Variants in KIF20B observed in about 807,000 individuals in gnomAD.
The protein encoded by KIF20B is kinesin family member 20B.
A neutral mutation model predicts 232.5 loss-of-function variants in KIF20B; 188 were observed. The observed-to-expected ratio is 0.81, with a 90% CI of 0.72 to 0.91. The LOEUF (loss-of-function observed/expected upper bound fraction) is 0.91. Ranked by LOEUF, KIF20B falls within the 40% of genes least tolerant of loss-of-function variation. KIF20B has a pLI of 0.00. For synonymous variants in KIF20B, 712 were observed against 683.0 expected, an observed-to-expected ratio of 1.04 and a Z score of -0.66; for missense variants, 2,154 against 2,055.9, an observed-to-expected ratio of 1.05 and a Z score of -0.92.
intron 27 of KIF20B, among the ~76,000 whole-genome samples, chr10:89,759,712 C>T (rs1237835518): frequency 1.3e-5 from 2 of 152,006 alleles, no homozygotes; most frequent in Non-Finnish European, 2.9e-5. Context: ...GTTTTCCTAA[C>T]AGAGTTGTGA....
chr10:89,743,369 A>G (rs1039358049), intron 21 of KIF20B, among the ~76,000 whole-genome samples: 3 of 152,052 alleles, frequency 2.0e-5, no homozygotes, highest in East Asian at 3.8e-4. Context: ...TGATTGTTCC[A>G]TTTTCTTCCC....
At chr10:89,738,899 T>A (rs1436658407) in intron 20 of KIF20B, 59 bp from the exon 21 acceptor site, 1 of 1,503,488 alleles carries the variant, frequency 6.7e-7, no homozygotes, top group Non-Finnish European at 9.0e-7. Context: ...CCATTTCACA[T>A]GTATGGTCCT....
At chr10:89,763,381 A>C (rs901091584) in intron 29 of KIF20B, among the ~76,000 whole-genome samples, 1 of 152,202 alleles carries the variant, frequency 6.6e-6, no homozygotes, top group Non-Finnish European at 1.5e-5. Context: ...TAATACATCA[A>C]ATGATGGTGG....
chr10:89,731,567 T>A (rs1843320022), intron 18 of KIF20B, among the ~76,000 whole-genome samples: 1 of 152,224 alleles, frequency 6.6e-6, no homozygotes, highest in South Asian at 2.1e-4. Flanking sequence ...AATTCTTTGC[T>A]TTTTCTACCC....
At chr10:89,745,858 T>A (rs1841898211) in intron 22 of KIF20B, 41 bp from the exon 23 acceptor site, 1 of 1,340,554 alleles carries the variant, frequency 7.5e-7, no homozygotes. Flanking sequence ...ATTGTGTTTT[T>A]AAGTTAATTT....
intron 6 of KIF20B, among the ~76,000 whole-genome samples, chr10:89,711,610 A>G (rs141408131): frequency 1.7e-3 from 266 of 152,132 alleles, no homozygotes; most frequent in African/African-American, 5.8e-3. Flanking sequence ...TTCTATCTGT[A>G]TATACACAAA....
chr10:89,773,543 T>C (rs1371511919), intron 32 of KIF20B, among the ~76,000 whole-genome samples: 1 of 152,042 alleles, frequency 6.6e-6, no homozygotes, highest in Non-Finnish European at 1.5e-5. Flanking sequence ...TCAGTCATTT[T>C]TGAGCATCTG....
At chr10:89,741,592 A>G (rs1841796213) in intron 21 of KIF20B, among the ~76,000 whole-genome samples, 2 of 152,236 alleles carry the variant, frequency 1.3e-5, no homozygotes, top group Admixed American at 1.3e-4. Context: ...TATCGGGTAT[A>G]GACACTGTTT....
intron 18 of KIF20B, among the ~76,000 whole-genome samples, chr10:89,732,052 G>A (rs1843333350): frequency 1.3e-5 from 2 of 152,056 alleles, no homozygotes; most frequent in South Asian, 4.1e-4. Flanking sequence ...GCGCTTAAAT[G>A]CTGAGTTTTA....
intron 28 of KIF20B, 36 bp from the exon 29 acceptor site, chr10:89,762,602 T>C (rs758027354): frequency 3.1e-5 from 46 of 1,488,886 alleles, no homozygotes; most frequent in Non-Finnish European, 3.8e-5. Flanking sequence ...ATGTATACTC[T>C]ACAAATAATA....
intron 1 of KIF20B, among the ~76,000 whole-genome samples, chr10:89,702,972 C>T (rs911152652): frequency 6.6e-6 from 1 of 152,084 alleles, no homozygotes; most frequent in Non-Finnish European, 1.5e-5. Flanking sequence ...AGTCTGAACA[C>T]TTTTAGAAAT....
chr10:89,718,998 C>A, intron 12 of KIF20B, 126 bp downstream of exon 12: 1 of 620,380 alleles, frequency 1.6e-6, no homozygotes, highest in Non-Finnish European at 2.5e-6. Context: ...AATATTTAAC[C>A]AAGTAGGAAG....
At position 89,745,977 on chromosome 10, in the gene KIF20B, A is replaced by T. The variant is rs775819709; in HGVS notation, c.4096+18A>T. The stretch of plus-strand genomic sequence containing the variant: ...ATGCAAAGGTCAGGAACAAGTTTGT[A>T]CTTCTGGAACCAGAAAAGTTCTCTT... On this transcript the variant is annotated intron_variant, in intron 23 of 32. Coordinates refer to ENST00000371728, the MANE Select transcript of KIF20B (RefSeq NM_001284259.2). 4.6e-5 allele frequency: 73 copies of T among 1,592,760 alleles called. No homozygotes were observed. Among genetic ancestry groups the T allele is most frequent in the Middle Eastern group, 3.3e-4 (2 of 6,042 alleles).
intron 19 of KIF20B, 59 bp downstream of exon 19, chr10:89,733,115 T>TAGAA (rs1843364912): frequency 2.5e-6 from 4 of 1,571,964 alleles, no homozygotes; most frequent in Middle Eastern, 3.3e-4. Context: ...AACCAGTAAA[T>TAGAA]AGAACAAGGC....
In KIF20B at chr10:89,716,705, G is replaced by A. The variant is rs146146580; in HGVS notation, c.1052+158G>A. On this transcript the variant is annotated intron_variant, in intron 9 of 32. Coordinates refer to ENST00000371728, the MANE Select transcript of KIF20B (RefSeq NM_001284259.2). The stretch of plus-strand genomic sequence containing the variant: ...TGGTATACAGAATAACACTAAACAC[G>A]TTTATCAATACTGTTTCCTGTCCTG... 9.9e-5 allele frequency among the ~76,000 whole-genome samples: 15 copies of A among 152,234 alleles called. No homozygotes were observed. The East Asian group carries it at 1.5e-3, about 16-fold the overall frequency.
chr10:89,720,696 GTATT>G (rs199703297), intron 13 of KIF20B, among the ~76,000 whole-genome samples: 17 of 151,638 alleles, frequency 1.1e-4, no homozygotes, highest in Admixed American at 8.5e-4. Flanking sequence ...TCCAATTATA[GTATT>G]TATTTATTTA....
intron 12 of KIF20B, 74 bp downstream of exon 12, chr10:89,718,946 T>G: frequency 1.1e-6 from 1 of 916,132 alleles, no homozygotes; most frequent in Non-Finnish European, 1.6e-6. Flanking sequence ...ATTTTTTACT[T>G]AATACTGTAA....
In KIF20B at chr10:89,743,812, C is replaced by G. The variant is rs1439908192; in HGVS notation, c.3920C>G (p.Ser1307Cys). ...TTTATAAACATTATTTTGTAGGTATCTGTAATGCGTGATGAGGATAAATTA... is the reference window on the plus strand; with the variant it reads ...TTTATAAACATTATTTTGTAGGTATGTGTAATGCGTGATGAGGATAAATTA... Reference protein sequence around the residue: ...KQIKQVQKEVSVMRDEDKLLR... With the variant: ...KQIKQVQKEVCVMRDEDKLLR... The change falls in exon 22 of 33, where the codon TCT becomes TGT. Residue 1307 changes from serine to cysteine, a missense_variant. Transcript: ENST00000371728. 2 of 1,454,258 alleles carry G rather than the reference C, an allele frequency of 1.4e-6. No individual in the cohort carries two copies. The highest frequency in any genetic ancestry group is 1.9e-6 in the Non-Finnish European group (2 of 1,074,016). 90.1% of individuals were successfully genotyped at this position (1,454,258 alleles called of 1,614,324 possible). A position where few individuals can be genotyped will look rare whatever the true frequency, so the allele number is the denominator to read the frequency against.
intron 2 of KIF20B, among the ~76,000 whole-genome samples, chr10:89,706,969 T>C (rs1842736242): frequency 6.6e-6 from 1 of 152,180 alleles, no homozygotes; most frequent in African/African-American, 2.4e-5. Flanking sequence ...TGGGATTGCA[T>C]TAAATCTGTG....
Sources: allele counts gnomAD v4.1 joint callset (sites outside exome capture counted in the v4.1 genomes callset), GRCh38; gene constraint gnomAD v4.1.1; transcripts MANE v1.5; gene names NCBI Gene and HGNC (gene_info 2026-07-23, HGNC 2026-07-21).